Variants in TNFRSF10A observed in about 807,000 individuals in gnomAD.
TNFRSF10A encodes the protein TNF receptor superfamily member 10a, also known as tumor necrosis factor receptor superfamily member 10A.
TNFRSF10A carries 44 observed loss-of-function variants against 42.8 expected under a neutral mutation model. The ratio of observed to expected loss-of-function variants is 1.03; its 90% CI spans 0.81 to 1.32. The LOEUF (loss-of-function observed/expected upper bound fraction) is 1.32, where lower values mean the gene tolerates loss of function less well. Among genes scored for constraint, TNFRSF10A ranks in the 40% most tolerant of loss-of-function variants. The probability of loss-of-function intolerance (pLI) is 0.00; values close to 1 mark genes in which losing one functional copy is unlikely to be tolerated. For missense variants in TNFRSF10A, 680 were observed against 602.0 expected, an observed-to-expected ratio of 1.13 and a Z score of -1.36; for synonymous variants, 259 against 234.2, an observed-to-expected ratio of 1.11 and a Z score of -0.97.
Position 23,200,614 on chromosome 8 carries a change from G to A in TNFRSF10A, c.704-14C>T. The A allele has an allele frequency of 6.2e-7, 1 of 1,614,020 alleles. No homozygotes were observed. Among genetic ancestry groups the A allele is most frequent in the Non-Finnish European group, 8.5e-7 (1 of 1,179,854 alleles). On this transcript the variant is annotated splice_polypyrimidine_tract_variant and intron_variant, in intron 5 of 9. Transcript: ENST00000221132. ...TATGTCCATTGCCTGAGAAAAGACA[G>A]GAAAAGACAGGAGTCTCGGGCTGCT...
intron 2 of TNFRSF10A, chr8:23,207,204 A>AAAACC: frequency 1.7e-6 from 1 of 598,224 alleles, no homozygotes. Flanking sequence ...TGTAGATGTT[A>AAAACC]AAACCAACAA....
intron 4 of TNFRSF10A, 150 bp from the exon 5 acceptor site, chr8:23,200,910 T>C (rs1487489288): frequency 1.3e-6 from 1 of 761,732 alleles, no homozygotes; most frequent in Non-Finnish European, 2.2e-6. Flanking sequence ...CCCCCTATGC[T>C]CCCTTGTTTA....
chr8:23,223,495 G>C (rs1303395651), intron 1 of TNFRSF10A, among the ~76,000 whole-genome samples: 2 of 152,218 alleles, frequency 1.3e-5, no homozygotes, highest in African/African-American at 4.8e-5. Context: ...CAAAAAGAAA[G>C]CCATTTAATA....
chr8:23,201,598 C>A (rs1177519476), intron 4 of TNFRSF10A, among the ~76,000 whole-genome samples: 2 of 151,800 alleles, frequency 1.3e-5, no homozygotes, highest in Admixed American at 6.6e-5. Flanking sequence ...GGGGCCACTG[C>A]AGGGGACAGG....
rs551784124 is a variant in TNFRSF10A, at chr8:23,219,485, C to T, written c.306+5271G>A. 7.9e-5 allele frequency among the ~76,000 whole-genome samples: 12 copies of T among 151,950 alleles called. No homozygotes were observed. In the South Asian group the frequency reaches 2.1e-3, roughly 26 times the overall value. ...GACTTTAGCCCTGCAGAAGCCAAAA[C>T]ACGGCTGCTATTATACAGAAGGGGA... On this transcript the variant is annotated intron_variant, in intron 1 of 9. Coordinates refer to ENST00000221132, the MANE Select transcript of TNFRSF10A (RefSeq NM_003844.4).
chr8:23,213,680 G>A (rs951791698), intron 1 of TNFRSF10A, among the ~76,000 whole-genome samples: 35 of 152,026 alleles, frequency 2.3e-4, no homozygotes, highest in African/African-American at 6.8e-4. Flanking sequence ...TCCTGACCTC[G>A]TGATCCGTCC....
intron 1 of TNFRSF10A, among the ~76,000 whole-genome samples, chr8:23,219,488 G>C (rs754307548): frequency 6.6e-6 from 1 of 151,782 alleles, no homozygotes; most frequent in Non-Finnish European, 1.5e-5. Context: ...GCCAAAACAC[G>C]GCTGCTATTA....
At chr8:23,197,298 A>G in intron 8 of TNFRSF10A, 94 bp from the exon 9 acceptor site, 1 of 1,451,074 alleles carries the variant, frequency 6.9e-7, no homozygotes. Context: ...AACCTGCAGC[A>G]CATCACTTTC....
chr8:23,219,059 T>C (rs1285669750), intron 1 of TNFRSF10A, among the ~76,000 whole-genome samples: 2 of 150,362 alleles, frequency 1.3e-5, no homozygotes, highest in African/African-American at 2.4e-5. Flanking sequence ...TAGGGAGGGA[T>C]GGCATCCCTG....
At chr8:23,210,773 A>G (rs13255997) in intron 2 of TNFRSF10A, among the ~76,000 whole-genome samples, 59,200 of 152,134 alleles carry the variant, frequency 0.39, 13,919 homozygotes, top group Middle Eastern at 0.53. Flanking sequence ...CAACATCCCA[A>G]AATAAATTGA....
Position 23,199,336 on chromosome 8 carries a change from A to C in TNFRSF10A, c.944T>G (p.Met315Arg), listed in dbSNP as rs1376148352. 1 of 1,614,024 alleles carries C rather than the reference A, an allele frequency of 6.2e-7. No homozygotes were observed. The highest frequency in any genetic ancestry group is 1.7e-5 in the Admixed American group (1 of 60,004). Reference sequence around the variant, plus strand: ...CAAATCTGCCGGCTCCTGGCTTTCCATTTGCTGCTCAGAGACGAAAGTGGA... The same window carrying C: ...CAAATCTGCCGGCTCCTGGCTTTCCCTTTGCTGCTCAGAGACGAAAGTGGA... ...SLSTFVSEQQMESQEPADLTG... is the reference protein window; with the variant it reads ...SLSTFVSEQQRESQEPADLTG... Residue 315 changes from methionine to arginine, a missense_variant, in exon 8 of 10, where the codon ATG becomes AGG. By Grantham distance (91) the Met-to-Arg change is moderately conservative. Coordinates refer to ENST00000221132, the MANE Select transcript of TNFRSF10A (RefSeq NM_003844.4).
chr8:23,194,713 A>G (rs1800799708), intron 9 of TNFRSF10A, among the ~76,000 whole-genome samples: 1 of 152,238 alleles, frequency 6.6e-6, no homozygotes, highest in South Asian at 2.1e-4. Context: ...ATGGTGTCTA[A>G]TATCTCAATT....
At chr8:23,207,194 TG>T in intron 2 of TNFRSF10A, 1 of 598,992 alleles carries the variant, frequency 1.7e-6, no homozygotes, top group Non-Finnish European at 3.2e-6. Context: ...TTGTGTTCAT[TG>T]TAGATGTTAA....
intron 9 of TNFRSF10A, among the ~76,000 whole-genome samples, chr8:23,192,929 C>T (rs148927220): frequency 1.3e-5 from 2 of 152,334 alleles, no homozygotes; most frequent in African/African-American, 4.8e-5. Context: ...CTCACCAGAT[C>T]ACTACATCCA....
chr8:23,202,655 A>G lies in TNFRSF10A; in HGVS notation c.510T>C (p.Cys170=). 6.2e-7 allele frequency: 1 copy of G among 1,613,386 alleles called. No homozygotes were observed. The highest frequency in any genetic ancestry group is 8.5e-7 in the Non-Finnish European group (1 of 1,179,468). Residue 170 remains cysteine (C), a synonymous_variant, in exon 3 of 10, where the codon TGT becomes TGC. Transcript: ENST00000221132. The stretch of plus-strand genomic sequence containing the variant: ...GGTCCACACATTCTGTACCTGATTT[A>G]CAAGCTGTACATGGGAGGCAAGCAA... ...NLFACLPCTA[C]KSDEEERSPC... is the part of the protein sequence containing the mutation.
At position 23,208,036 on chromosome 8, in the gene TNFRSF10A, C is replaced by T. The variant is rs952296868; in HGVS notation, c.403+4080G>A. Among the ~76,000 whole-genome samples, 17 of 151,968 alleles carry T rather than the reference C, an allele frequency of 1.1e-4. No individual in the cohort carries two copies. The East Asian group carries it at 1.5e-3, about 14-fold the overall frequency. On this transcript the variant is annotated intron_variant, in intron 2 of 9. Coordinates refer to ENST00000221132, the MANE Select transcript of TNFRSF10A (RefSeq NM_003844.4). The stretch of plus-strand genomic sequence containing the variant: ...GTTGGAACAGTTTGGAGGGCTCAGA[C>T]GAAGATAGGAAAATGTGGGAAAGTG...
intron 2 of TNFRSF10A, chr8:23,207,388 A>C (rs1179519111): frequency 1.8e-6 from 1 of 556,384 alleles, no homozygotes; most frequent in Non-Finnish European, 3.5e-6. Context: ...CAGCTGGCTA[A>C]TTCTAAATAC....
chr8:23,205,346 G>T (rs1800989110), intron 2 of TNFRSF10A, among the ~76,000 whole-genome samples: 1 of 152,110 alleles, frequency 6.6e-6, no homozygotes, highest in African/African-American at 2.4e-5. Context: ...CGTTACTCAG[G>T]TGTTTGTGGT....
intron 6 of TNFRSF10A, 129 bp downstream of exon 6, chr8:23,200,376 C>T: frequency 4.9e-6 from 5 of 1,018,868 alleles, no homozygotes; most frequent in Non-Finnish European, 7.5e-6. Flanking sequence ...GGGGGGTGAT[C>T]ACAAGGAGGA....
Sources: gnomAD v4.1 joint callset for allele counts (sites outside exome capture counted in the v4.1 genomes callset) on GRCh38, gnomAD v4.1.1 for gene constraint, MANE v1.5 for transcripts, NCBI Gene and HGNC (gene_info 2026-07-23, HGNC 2026-07-21) for gene names.